The following ZBTB16 variants were observed in gnomAD, a reference collection of about 807,000 sequenced individuals.
ZBTB16 encodes zinc finger and BTB domain containing 16, also known as zinc finger and BTB domain-containing protein 16.
In ZBTB16, 8 loss-of-function variants were observed where a neutral mutation model predicts 56.8. That is an observed-to-expected ratio of 0.14 (90% confidence interval 0.08 to 0.25). ZBTB16 has a LOEUF of 0.25. Among genes scored for constraint, ZBTB16 ranks in the 10% least tolerant of loss-of-function variants. ZBTB16 has a pLI of 1.00. For missense variants in ZBTB16, 625 were observed against 903.0 expected, an observed-to-expected ratio of 0.69 and a Z score of 3.95; for synonymous variants, 363 against 368.5, an observed-to-expected ratio of 0.98 and a Z score of 0.17.
chr11:114,196,996 G>A (rs1169026370), intron 4 of ZBTB16, among the ~76,000 whole-genome samples: 3 of 152,020 alleles, frequency 2.0e-5, no homozygotes, highest in African/African-American at 7.3e-5. Flanking sequence ...CCTCCCTGTG[G>A]GGGCCTGGGC....
chr11:114,129,862 C>G (rs1486706284), intron 2 of ZBTB16, among the ~76,000 whole-genome samples: 11 of 152,240 alleles, frequency 7.2e-5, no homozygotes, highest in Admixed American at 1.3e-4. Flanking sequence ...CTTCTCCCCC[C>G]TCCTTCTCTC....
At chr11:114,072,986 A>G (rs1939404716) in intron 2 of ZBTB16, among the ~76,000 whole-genome samples, 1 of 146,920 alleles carries the variant, frequency 6.8e-6, no homozygotes, top group African/African-American at 2.5e-5. Flanking sequence ...CGGGAGGCAG[A>G]GCTTGCAGTG....
In ZBTB16 at chr11:114,139,230, C is replaced by T. The variant is rs188330459; in HGVS notation, c.1269-17107C>T. ...GGAAGGAGACCCTTCTCCAGGCTGTCGCTTTTGATTTGCGGTTTTCCCATT... is the reference window on the plus strand; with the variant it reads ...GGAAGGAGACCCTTCTCCAGGCTGTTGCTTTTGATTTGCGGTTTTCCCATT... On this transcript the variant is annotated intron_variant, in intron 2 of 6. Coordinates refer to ENST00000335953, the MANE Select transcript of ZBTB16 (RefSeq NM_006006.6). 1.3e-3 allele frequency among the ~76,000 whole-genome samples: 197 copies of T among 152,284 alleles called. 1 individual carries two copies. Among genetic ancestry groups the T allele is most frequent in the Non-Finnish European group, 1.7e-3 (114 of 68,026 alleles).
chr11:114,248,211 G>A (rs1034373118), intron 6 of ZBTB16, among the ~76,000 whole-genome samples: 3 of 152,114 alleles, frequency 2.0e-5, no homozygotes, highest in Admixed American at 6.5e-5. Flanking sequence ...ATTATTTTTT[G>A]TATTGGAAAA....
In ZBTB16 at chr11:114,143,494, C is replaced by T. The variant is rs950889305; in HGVS notation, c.1269-12843C>T. ...AAGGCTTCTAGGGATGGTACTGACC[C>T]TCTTGCCTAGTGAAATGTCCTTTTG... is the stretch of plus-strand genomic sequence containing the variant. On this transcript the variant is annotated intron_variant, in intron 2 of 6. Transcript: ENST00000335953. This position sits in a 1 kb window ranked among gnomAD's most constrained non-coding sequence, Gnocchi z 6.4. Among the ~76,000 whole-genome samples, 2 of 152,202 alleles carry T rather than the reference C, an allele frequency of 1.3e-5. No homozygotes were observed. Among genetic ancestry groups the T allele is most frequent in the Non-Finnish European group, 2.9e-5 (2 of 68,034 alleles).
intron 4 of ZBTB16, chr11:114,209,491 AC>A: frequency 1.0e-6 from 1 of 985,106 alleles, no homozygotes; most frequent in South Asian, 4.7e-5. Context: ...CTCTCCCCAG[AC>A]CCTTCAGCTC....
rs934449469 is a variant in ZBTB16, at chr11:114,227,477, G to A, written c.1454-14690G>A. ...TGTGCAATCCTTTATCCATCTATTC[G>A]TCCTTCTCTCCATCCAATAAATATT... On this transcript the variant is annotated intron_variant, in intron 4 of 6. Transcript: ENST00000335953. Among the ~76,000 whole-genome samples the A allele has an allele frequency of 9.8e-5, 15 of 152,310 alleles. No homozygotes were observed. In the South Asian group the frequency reaches 2.1e-3, roughly 21 times the overall value.
In ZBTB16 at chr11:114,230,632, G is replaced by GGC. The variant is rs1555159019; in HGVS notation, c.1454-11534_1454-11533insCG. ...TGCTTAATTTGTAATCATCTTCTGT[G>GGC]GGGGGGGGGCGGGAAGGAGAGGAGC... On this transcript the variant is annotated intron_variant, in intron 4 of 6. Coordinates refer to ENST00000335953, the MANE Select transcript of ZBTB16 (RefSeq NM_006006.6). Among the ~76,000 whole-genome samples the GGC allele has an allele frequency of 0.017, 17 of 992 alleles. No homozygotes were observed. The East Asian group carries it at 0.25, about 15-fold the overall frequency. 0.7% of individuals were successfully genotyped at this position (992 alleles called of 152,430 possible).
At chr11:114,164,612 C>T (rs1264857780) in intron 3 of ZBTB16, among the ~76,000 whole-genome samples, 5 of 152,170 alleles carry the variant, frequency 3.3e-5, no homozygotes, top group African/African-American at 7.2e-5. Flanking sequence ...AGGGCCTTTT[C>T]GTCTTCCCTT....
At chr11:114,226,987 A>G (rs1328646127) in intron 4 of ZBTB16, among the ~76,000 whole-genome samples, 1 of 152,138 alleles carries the variant, frequency 6.6e-6, no homozygotes, top group Non-Finnish European at 1.5e-5. Flanking sequence ...GTTGCCTAAA[A>G]GCCTCTCCCT....
At chr11:114,212,455 C>T (rs983155732) in intron 4 of ZBTB16, among the ~76,000 whole-genome samples, 19 of 152,162 alleles carry the variant, frequency 1.2e-4, no homozygotes, top group African/African-American at 4.8e-5. Flanking sequence ...GGTCATTCTT[C>T]TCCTTTAACA....
At chr11:114,081,510 C>A (rs1333746821) in intron 2 of ZBTB16, among the ~76,000 whole-genome samples, 1 of 152,082 alleles carries the variant, frequency 6.6e-6, no homozygotes, top group African/African-American at 2.4e-5. Flanking sequence ...ATTTTAAAAC[C>A]TTGTTGAGCA....
At chr11:114,205,431 C>A (rs975786272) in intron 4 of ZBTB16, among the ~76,000 whole-genome samples, 1 of 151,364 alleles carries the variant, frequency 6.6e-6, no homozygotes, top group Non-Finnish European at 1.5e-5. Context: ...AAAAAAATTT[C>A]TTCTCTGAAC....
At chr11:114,133,508 G>A (rs1415324860) in intron 2 of ZBTB16, among the ~76,000 whole-genome samples, 2 of 152,140 alleles carry the variant, frequency 1.3e-5, no homozygotes, top group Admixed American at 6.5e-5. Context: ...GGTCCAACAG[G>A]CCCCTGAGGG....
At chr11:114,197,084 C>G (rs1943628266) in intron 4 of ZBTB16, among the ~76,000 whole-genome samples, 1 of 152,184 alleles carries the variant, frequency 6.6e-6, no homozygotes, top group Non-Finnish European at 1.5e-5. Flanking sequence ...ACAATCCAAA[C>G]TAGAATTAGG....
chr11:114,203,825 T>A (rs1290056244), intron 4 of ZBTB16, among the ~76,000 whole-genome samples: 1 of 152,028 alleles, frequency 6.6e-6, no homozygotes, highest in Non-Finnish European at 1.5e-5. Context: ...GGAGTAGGGG[T>A]GGCTCTGGGA....
In ZBTB16 at chr11:114,238,008, G is replaced by A. The variant is rs916377171; in HGVS notation, c.1454-4159G>A. Reference sequence around the variant, plus strand: ...TCCCAGGAAGGGGAGAGAGACCACTGTAGGGACATCATAGTGTTTCCTTTC... The same window carrying A: ...TCCCAGGAAGGGGAGAGAGACCACTATAGGGACATCATAGTGTTTCCTTTC... On this transcript the variant is annotated intron_variant, in intron 4 of 6. Transcript: ENST00000335953. 4.6e-5 allele frequency among the ~76,000 whole-genome samples: 7 copies of A among 152,320 alleles called. No individual in the cohort carries two copies. In the East Asian group the frequency reaches 1.2e-3, roughly 25 times the overall value.
chr11:114,235,112 A>G (rs7936738), intron 4 of ZBTB16, among the ~76,000 whole-genome samples: 10,012 of 151,910 alleles, frequency 0.066, 916 homozygotes, highest in African/African-American at 0.21. Context: ...TAAATTTGAT[A>G]TTTTCTTTCT....
At position 114,064,075 on chromosome 11, in the gene ZBTB16, G is replaced by C; in HGVS notation, c.775G>C (p.Ala259Pro). 1 of 1,613,770 alleles carries C rather than the reference G, an allele frequency of 6.2e-7. No individual in the cohort carries two copies. The highest frequency in any genetic ancestry group is 8.5e-7 in the Non-Finnish European group (1 of 1,179,920). Residue 259 changes from alanine (A) to proline (P), a missense_variant, in exon 2 of 7, where the codon GCA becomes CCA. Physicochemically the swap from Ala to Pro is conservative, Grantham distance 27 (BLOSUM62 -1). Transcript: ENST00000335953. The surrounding 1 kb of genome is among the most constrained non-coding windows in gnomAD (Gnocchi z 4.2). ...GGTGCCCAGCCAGGACAGCCCTGGG[G>C]CAGCCGAGTCCAGCATCTCAGGAGG... is the stretch of plus-strand genomic sequence containing the variant. ...DEVPSQDSPG[A>P]AESSISGGMG...
Sources: gnomAD v4.1 joint callset for allele counts (sites outside exome capture counted in the v4.1 genomes callset) on GRCh38, gnomAD v4.1.1 for gene constraint, Gnocchi (gnomAD v3.1) non-coding constraint, MANE v1.5 for transcripts, NCBI Gene and HGNC (gene_info 2026-07-23, HGNC 2026-07-21) for gene names.